The following OPA3 variants were observed in gnomAD, a reference collection of about 807,000 sequenced individuals.
OPA3 encodes optic atrophy 3 protein.
Under a neutral mutation model 4.0 loss-of-function variants are expected in OPA3, and 6 were observed. The ratio of observed to expected loss-of-function variants is 1.51; its 90% confidence interval spans 0.83 to 2.99. The LOEUF (loss-of-function observed/expected upper bound fraction) is 2.99, where lower values mean the gene tolerates loss of function less well. Ranked by LOEUF, OPA3 falls within the 30% of genes most tolerant of loss-of-function variation. OPA3 has a pLI of 0.00. For missense variants in OPA3, 235 were observed against 256.2 expected (o/e 0.92, Z 0.56); for synonymous variants, 105 against 117.1 (o/e 0.90, Z 0.67).
At chr19:45,539,675 G>T (rs1012944729) in intron 1 of OPA3, among the ~76,000 whole-genome samples, 1 of 151,772 alleles carries the variant, frequency 6.6e-6, no homozygotes, top group African/African-American at 2.4e-5. Flanking sequence ...GCTACTGGGC[G>T]GGGGTGGGGC....
chr19:45,574,422 A>T (rs1006447435), intron 1 of OPA3, among the ~76,000 whole-genome samples: 6 of 151,948 alleles, frequency 3.9e-5, no homozygotes, highest in African/African-American at 1.2e-4. Context: ...AAAGAAAAAA[A>T]AAACGGATTC....
chr19:45,577,733 G>T (rs748845543), intron 1 of OPA3, among the ~76,000 whole-genome samples: 2 of 152,192 alleles, frequency 1.3e-5, no homozygotes, highest in Non-Finnish European at 2.9e-5. Flanking sequence ...GACCTCAGGA[G>T]TCCCCTGAAG....
downstream of OPA3, among the ~76,000 whole-genome samples, chr19:45,543,128 GC>G (rs1487032785): frequency 6.6e-6 from 1 of 151,478 alleles, no homozygotes; most frequent in African/African-American, 2.4e-5. Flanking sequence ...ACCCACCTCA[GC>G]CTCCCTCGTA....
At position 45,536,870 on chromosome 19, in the gene OPA3, CA is replaced by C. The variant is rs566517908; in HGVS notation, c.143-7415del. On this transcript the variant is annotated intron_variant, in intron 1 of 1. Transcript: ENST00000323060. ...ACCTTAACATCTACCTCACATAATA[CA>C]CAAAAATTAATTCCACAGGGATTGT... Among the ~76,000 whole-genome samples the C allele has an allele frequency of 1.7e-3, 253 of 152,076 alleles. 1 individual carries two copies. Among genetic ancestry groups the C allele is most frequent in the African/African-American group, 5.9e-3 (246 of 41,498 alleles).
chr19:45,564,002 T>TA (rs1568405971), intron 1 of OPA3, among the ~76,000 whole-genome samples: 1 of 151,804 alleles, frequency 6.6e-6, no homozygotes, highest in Non-Finnish European at 1.5e-5. Context: ...AACAGATAAT[T>TA]AAAACTTTTT....
At chr19:45,528,689 A>G in exon 2 of OPA3, 1 of 239,658 alleles carries the variant, frequency 4.2e-6, no homozygotes, top group Non-Finnish European at 8.1e-6. Flanking sequence ...CGGGTGCAGA[A>G]TTTTGTTTTG....
At chr19:45,536,984 C>G (rs1465801478) in intron 1 of OPA3, among the ~76,000 whole-genome samples, 1 of 152,032 alleles carries the variant, frequency 6.6e-6, no homozygotes, top group African/African-American at 2.4e-5. Context: ...ATAAACTGTG[C>G]TTTGGAAGGC....
intron 1 of OPA3, among the ~76,000 whole-genome samples, chr19:45,558,192 C>T (rs538611780): frequency 1.4e-3 from 219 of 151,998 alleles, no homozygotes; most frequent in African/African-American, 5.0e-3. Flanking sequence ...ATTAGCGGGG[C>T]GTGGTGGGAG....
intron 1 of OPA3, among the ~76,000 whole-genome samples, chr19:45,569,532 T>C (rs2122485765): frequency 6.6e-6 from 1 of 152,188 alleles, no homozygotes; most frequent in African/African-American, 2.4e-5. Flanking sequence ...TATTCTCTAC[T>C]GTCTTAGTAA....
At chr19:45,572,560 G>T (rs1969694257) in intron 1 of OPA3, among the ~76,000 whole-genome samples, 2 of 99,142 alleles carry the variant, frequency 2.0e-5, no homozygotes, top group Admixed American at 1.1e-4. Flanking sequence ...ATCATATATG[G>T]ATATATATCA....
chr19:45,583,999 AC>A (rs1417653753), intron 1 of OPA3, among the ~76,000 whole-genome samples: 1 of 152,196 alleles, frequency 6.6e-6, no homozygotes, highest in Non-Finnish European at 1.5e-5. Flanking sequence ...GAATGAAAGG[AC>A]GGCGTATGAG....
chr19:45,562,400 A>C (rs910429564), intron 1 of OPA3, among the ~76,000 whole-genome samples: 2 of 151,254 alleles, frequency 1.3e-5, no homozygotes, highest in African/African-American at 4.8e-5. Flanking sequence ...CTTATTAAGA[A>C]ACATGATAGG....
chr19:45,559,387 C>CTTTTTTTTTTTTTTTTT lies in OPA3; in HGVS notation c.143-5477_143-5476insAAAAAAAAAAAAAAAAA, dbSNP rs1482357153. 1.8e-5 allele frequency among the ~76,000 whole-genome samples: 2 copies of CTTTTTTTTTTTTTTTTT among 108,348 alleles called. 1 individual carries two copies. The highest frequency in any genetic ancestry group is 7.7e-5 in the African/African-American group (2 of 25,826). The allele number at this position is 108,348 out of a possible 152,430, so 71.1% of individuals were successfully genotyped here. A position where few individuals can be genotyped will look rare whatever the true frequency, so the allele number is the denominator to read the frequency against. On this transcript the variant is annotated intron_variant, in intron 1 of 1. Coordinates refer to ENST00000263275, the MANE Select transcript of OPA3 (RefSeq NM_025136.4). ...TTTCTCTTCTCTCTCTTCTTTCCCT[C>CTTTTTTTTTTTTTTTTT]TTTTTCTTTCTTTTTTTTTTTTTTT...
At position 45,576,028 on chromosome 19, in the gene OPA3, G is replaced by A. The variant is rs185762785; in HGVS notation, c.142+8595C>T. ...GCGGGTGGATCACCTGAGGTCAGGA[G>A]TTGAAGACCAGCTGGCCAACATGGT... On this transcript the variant is annotated intron_variant, in intron 1 of 1. Transcript: ENST00000263275. 5.1e-4 allele frequency among the ~76,000 whole-genome samples: 78 copies of A among 152,218 alleles called. No individual in the cohort carries two copies. The East Asian group carries it at 0.013, about 25-fold the overall frequency.
At position 45,579,741 on chromosome 19, in the gene OPA3, A is replaced by AAAT. The variant is rs143143527; in HGVS notation, c.142+4879_142+4881dup. 1.0e-3 allele frequency among the ~76,000 whole-genome samples: 158 copies of AAAT among 151,686 alleles called. 2 individuals carry two copies. The highest frequency in any genetic ancestry group is 3.7e-3 in the East Asian group (19 of 5,172). On this transcript the variant is annotated intron_variant, in intron 1 of 1. Coordinates refer to ENST00000263275, the MANE Select transcript of OPA3 (RefSeq NM_025136.4). ...ATAATGCATACATAGTATATACACA[A>AAAT]AATAATAATAATAATAATAATAGTA... is the stretch of plus-strand genomic sequence containing the variant.
downstream of OPA3, among the ~76,000 whole-genome samples, chr19:45,542,657 G>GT (rs1969198570): frequency 3.3e-5 from 2 of 60,948 alleles, no homozygotes; most frequent in Non-Finnish European, 7.2e-5. Flanking sequence ...GTACTTCACT[G>GT]TTTTTTTGTT....
chr19:45,569,205 T>A (rs1346487198), intron 1 of OPA3, among the ~76,000 whole-genome samples: 1 of 152,170 alleles, frequency 6.6e-6, no homozygotes, highest in Non-Finnish European at 1.5e-5. Context: ...ACGCCTGTAA[T>A]CCCAGCACTT....
chr19:45,574,221 G>A (rs1289236660), intron 1 of OPA3, among the ~76,000 whole-genome samples: 3 of 151,328 alleles, frequency 2.0e-5, no homozygotes, highest in Admixed American at 6.6e-5. Context: ...GTGAAACCCC[G>A]TCTCTACTAA....
At chr19:45,541,569 G>T (rs999357899), downstream of OPA3, among the ~76,000 whole-genome samples, 9 of 151,940 alleles carry the variant, frequency 5.9e-5, no homozygotes, top group South Asian at 2.1e-4. Context: ...ATAAATAAGA[G>T]AAATTTTTTT....
Sources: gnomAD v4.1 joint callset for allele counts (sites outside exome capture counted in the v4.1 genomes callset) on GRCh38, gnomAD v4.1.1 for gene constraint, MANE v1.5 for transcripts, NCBI Gene and HGNC (gene_info 2026-07-23, HGNC 2026-07-21) for gene names.